The following SEPTIN9 variants were observed in gnomAD, a reference collection of about 807,000 sequenced individuals.
SEPTIN9 encodes the protein septin 9, also known as septin-9.
Under a neutral mutation model 56.6 loss-of-function variants are expected in SEPTIN9, and 13 were observed. The ratio of observed to expected loss-of-function variants is 0.23; its 90% CI spans 0.15 to 0.37. The LOEUF is 0.37. Ranked by LOEUF, SEPTIN9 falls within the 10% of genes least tolerant of loss-of-function variation. The pLI is 1.00. For missense variants in SEPTIN9, 650 were observed against 823.1 expected, an observed-to-expected ratio of 0.79 and a Z score of 2.57; for synonymous variants, 332 against 334.1, an observed-to-expected ratio of 0.99 and a Z score of 0.07.
intron 2 of SEPTIN9, among the ~76,000 whole-genome samples, chr17:77,363,376 TG>T (rs2034478055): frequency 7.7e-6 from 1 of 130,476 alleles, no homozygotes; most frequent in South Asian, 2.6e-4. Context: ...GCCTTGGGCC[TG>T]TCTTTTTTTT....
intron 1 of SEPTIN9, among the ~76,000 whole-genome samples, chr17:77,300,178 G>A (rs2031975716): frequency 1.3e-5 from 2 of 152,126 alleles, no homozygotes; most frequent in African/African-American, 4.8e-5. Flanking sequence ...GCTCACTGCA[G>A]CCTCCACCTC....
In SEPTIN9 at chr17:77,330,422, G is replaced by A. The variant is rs1423656355; in HGVS notation, c.76+23225G>A. 3.3e-5 allele frequency among the ~76,000 whole-genome samples: 5 copies of A among 152,178 alleles called. No homozygotes were observed. The highest frequency in any genetic ancestry group is 7.4e-5 in the Non-Finnish European group (5 of 68,024). ...ACTGACACCCCCTCATGTTGATGTGGGCCCTGAGCCATAATCTCACCAGCT... is the reference window on the plus strand; with the variant it reads ...ACTGACACCCCCTCATGTTGATGTGAGCCCTGAGCCATAATCTCACCAGCT... On this transcript the variant is annotated intron_variant, in intron 2 of 11. Coordinates refer to ENST00000427177, the MANE Select transcript of SEPTIN9 (RefSeq NM_001113491.2). This position sits in a 1 kb window ranked among gnomAD's most constrained non-coding sequence, Gnocchi z 4.4.
chr17:77,493,085 C>A lies in SEPTIN9; in HGVS notation c.1573+9C>A. ...GTGGGGTACCATCGAAGGTACTCGC[C>A]GCAGGCGCCGGGGCTCCAGACAGAT... On this transcript the variant is annotated intron_variant, in intron 10 of 11. Coordinates refer to ENST00000427177, the MANE Select transcript of SEPTIN9 (RefSeq NM_001113491.2). 1 of 1,548,336 alleles carries A rather than the reference C, an allele frequency of 6.5e-7. No homozygotes were observed.
In SEPTIN9 at chr17:77,369,215, C is replaced by T. The variant is rs760833354; in HGVS notation, c.77-32844C>T. On this transcript the variant is annotated intron_variant, in intron 2 of 11. Transcript: ENST00000427177. This position sits in a 1 kb window ranked among gnomAD's most constrained non-coding sequence, Gnocchi z 4.9. ...CCCCACTGCACTCCAGACCGGGTGA[C>T]AGAGTGAGACCCTGTCAAAAAAGAA... Among the ~76,000 whole-genome samples the T allele has an allele frequency of 1.6e-4, 25 of 152,150 alleles. No homozygotes were observed. Among genetic ancestry groups the T allele is most frequent in the Non-Finnish European group, 3.1e-4 (21 of 68,018 alleles).
At chr17:77,493,435 C>CT (rs761031447) in intron 10 of SEPTIN9, among the ~76,000 whole-genome samples, 12 of 152,224 alleles carry the variant, frequency 7.9e-5, no homozygotes, top group Non-Finnish European at 4.4e-5. Flanking sequence ...TGGGCTGTAG[C>CT]TCTGTGAGCC....
rs767992384 is a variant in SEPTIN9 at position 77,453,077 on chromosome 17, G to A, written c.722-29067G>A. Among the ~76,000 whole-genome samples the A allele has an allele frequency of 2.0e-5, 3 of 151,766 alleles. No individual in the cohort carries two copies. Among genetic ancestry groups the A allele is most frequent in the African/African-American group, 7.3e-5 (3 of 41,290 alleles). On this transcript the variant is annotated intron_variant, in intron 3 of 11. Coordinates refer to ENST00000427177, the MANE Select transcript of SEPTIN9 (RefSeq NM_001113491.2). This position sits in a 1 kb window ranked among gnomAD's most constrained non-coding sequence, Gnocchi z 4.4. ...GGGTGGCTGAGACACTATTGCATTG[G>A]CCACTTTGTGTTCCCACTAGCCCCC...
intron 2 of SEPTIN9, among the ~76,000 whole-genome samples, chr17:77,350,305 G>T (rs2034016841): frequency 6.6e-6 from 1 of 152,198 alleles, no homozygotes; most frequent in African/African-American, 2.4e-5. Flanking sequence ...CTCCAGAGGG[G>T]TGCAGAAAGG....
intron 3 of SEPTIN9, among the ~76,000 whole-genome samples, chr17:77,415,218 C>T (rs1407936961): frequency 6.6e-6 from 1 of 152,142 alleles, no homozygotes; most frequent in African/African-American, 2.4e-5. Context: ...GCTGGAGCGG[C>T]CCTGGGTTGC....
At chr17:77,397,060 GC>G (rs1297072794) in intron 2 of SEPTIN9, 1 of 154,842 alleles carries the variant, frequency 6.5e-6, no homozygotes, top group Non-Finnish European at 1.5e-5. Flanking sequence ...CCACTGTGCA[GC>G]CAGGGGTTTC....
intron 4 of SEPTIN9, among the ~76,000 whole-genome samples, chr17:77,484,481 A>G (rs1252851989): frequency 2.2e-4 from 23 of 106,330 alleles, no homozygotes; most frequent in South Asian, 3.6e-4. Flanking sequence ...GGTGGTGATG[A>G]TGGTGGTGAT....
chr17:77,429,885 G>T lies in SEPTIN9; in HGVS notation c.721+27182G>T, dbSNP rs1170622273. On this transcript the variant is annotated intron_variant, in intron 3 of 11. Transcript: ENST00000427177. The surrounding 1 kb of genome is among the most constrained non-coding windows in gnomAD (Gnocchi z 5.2). ...CCTCTCTTTCTCCTGCTACAGAACT[G>T]GATCCTCCCAGCTCATGGCTGTCAA... Among the ~76,000 whole-genome samples the T allele has an allele frequency of 6.6e-6, 1 of 152,174 alleles. No homozygotes were observed. The highest frequency in any genetic ancestry group is 2.4e-5 in the African/African-American group (1 of 41,448).
At chr17:77,331,217 TA>T (rs1172525776) in intron 2 of SEPTIN9, among the ~76,000 whole-genome samples, 1 of 152,012 alleles carries the variant, frequency 6.6e-6, no homozygotes, top group South Asian at 2.1e-4. Context: ...ATAATAATAA[TA>T]AAAACTACAG....
At chr17:77,332,277 A>AAAAAC (rs1567998234) in intron 2 of SEPTIN9, among the ~76,000 whole-genome samples, 1 of 139,080 alleles carries the variant, frequency 7.2e-6, no homozygotes, top group Non-Finnish European at 1.5e-5. Flanking sequence ...ACCCTGTCTC[A>AAAAAC]AAAACAAAAC....
At chr17:77,406,389 C>T (rs934210519) in intron 3 of SEPTIN9, among the ~76,000 whole-genome samples, 2 of 152,098 alleles carry the variant, frequency 1.3e-5, no homozygotes, top group African/African-American at 4.8e-5. Flanking sequence ...GTCCAAATAC[C>T]TCGTGTTTGG....
At chr17:77,404,201 G>A (rs1026126560) in intron 3 of SEPTIN9, among the ~76,000 whole-genome samples, 1 of 152,038 alleles carries the variant, frequency 6.6e-6, no homozygotes, top group Non-Finnish European at 1.5e-5. Flanking sequence ...GGACCCTTGG[G>A]TTGCTTCCAC....
intron 2 of SEPTIN9, among the ~76,000 whole-genome samples, chr17:77,357,615 C>T (rs1203508191): frequency 1.3e-5 from 2 of 152,112 alleles, no homozygotes; most frequent in African/African-American, 4.8e-5. Context: ...CCTCCCCTCT[C>T]CTTTCCTTTC....
rs1216567054 is a variant in SEPTIN9, at chr17:77,369,144, G to A, written c.77-32915G>A. Among the ~76,000 whole-genome samples, 1 of 152,202 alleles carries A rather than the reference G, an allele frequency of 6.6e-6. No individual in the cohort carries two copies. The highest frequency in any genetic ancestry group is 1.9e-4 in the East Asian group (1 of 5,198). On this transcript the variant is annotated intron_variant, in intron 2 of 11. Transcript: ENST00000427177. The surrounding 1 kb of genome is among the most constrained non-coding windows in gnomAD (Gnocchi z 4.9). ...AGCTACTTGGGAGGCTGAGGCAGGA[G>A]AATCACTTGAACCTGGGAGGTGGAG...
chr17:77,448,096 G>A (rs956733448), intron 3 of SEPTIN9, among the ~76,000 whole-genome samples: 6 of 152,188 alleles, frequency 3.9e-5, no homozygotes, highest in African/African-American at 1.4e-4. Context: ...ACATGGTGCC[G>A]AGAATGATCT....
At chr17:77,298,090 C>T (rs774650911) in intron 1 of SEPTIN9, among the ~76,000 whole-genome samples, 17 of 152,240 alleles carry the variant, frequency 1.1e-4, no homozygotes, top group Non-Finnish European at 2.2e-4. Flanking sequence ...CCCTCCAAAG[C>T]TCAGTCATTT....
Sources: allele counts gnomAD v4.1 joint callset (sites outside exome capture counted in the v4.1 genomes callset), GRCh38; gene constraint gnomAD v4.1.1; non-coding constraint Gnocchi (gnomAD v3.1); transcripts MANE v1.5; gene names NCBI Gene and HGNC (gene_info 2026-07-23, HGNC 2026-07-21).